Variants in LRRC4C observed in about 807,000 individuals in gnomAD.
LRRC4C encodes the protein leucine rich repeat containing 4C.
Under a neutral mutation model 33.6 loss-of-function variants are expected in LRRC4C, and 5 were observed. The ratio of observed to expected loss-of-function variants is 0.15; its 90% confidence interval spans 0.08 to 0.31. LRRC4C has a LOEUF of 0.31. Ranked by LOEUF, LRRC4C falls within the 10% of genes least tolerant of loss-of-function variation. LRRC4C has a pLI of 1.00. For synonymous variants in LRRC4C, 329 were observed against 302.0 expected (o/e 1.09, Z -0.93); for missense variants, 560 against 796.7 (o/e 0.70, Z 3.58).
Position 40,371,916 on chromosome 11 carries a change from G to A in LRRC4C, c.-269-52195C>T, listed in dbSNP as rs186124781. On this transcript the variant is annotated intron_variant, in intron 3 of 6. Coordinates refer to ENST00000528697, the MANE Select transcript of LRRC4C (RefSeq NM_001258419.2). Reference sequence around the variant, plus strand: ...AATTAAACAATTAGGTATGTAGGTAGATAGGGCAGGAGCGGCTATGGGATG... The same window carrying A: ...AATTAAACAATTAGGTATGTAGGTAAATAGGGCAGGAGCGGCTATGGGATG... Among the ~76,000 whole-genome samples the A allele has an allele frequency of 3.9e-5, 6 of 152,314 alleles. No homozygotes were observed. In the South Asian group the frequency reaches 8.3e-4, roughly 21 times the overall value.
chr11:40,337,118 C>T (rs548053043), intron 3 of LRRC4C, among the ~76,000 whole-genome samples: 2 of 151,234 alleles, frequency 1.3e-5, no homozygotes, highest in South Asian at 2.1e-4. Flanking sequence ...TGTACAGCTA[C>T]TGAAAAAGCA....
chr11:40,504,431 C>T (rs543973938), intron 3 of LRRC4C, among the ~76,000 whole-genome samples: 1 of 151,104 alleles, frequency 6.6e-6, no homozygotes, highest in Non-Finnish European at 1.5e-5. Flanking sequence ...CAGAAAAAGA[C>T]TCAGATGAAC....
chr11:41,019,053 C>T (rs1047252793), intron 1 of LRRC4C, among the ~76,000 whole-genome samples: 4 of 151,986 alleles, frequency 2.6e-5, no homozygotes, highest in African/African-American at 9.7e-5. Flanking sequence ...TTTTTATTTC[C>T]TTATGTCTTC....
At chr11:41,451,892 G>C (rs1159432259) in intron 1 of LRRC4C, among the ~76,000 whole-genome samples, 1 of 151,936 alleles carries the variant, frequency 6.6e-6, no homozygotes, top group Non-Finnish European at 1.5e-5. Flanking sequence ...TTTTTTCCTT[G>C]TATGTATCTG....
chr11:40,230,663 A>C (rs1457992548), intron 5 of LRRC4C, among the ~76,000 whole-genome samples: 2 of 152,210 alleles, frequency 1.3e-5, no homozygotes, highest in African/African-American at 2.4e-5. Flanking sequence ...CTACCTACAG[A>C]TTGCCAAAAA....
intron 3 of LRRC4C, among the ~76,000 whole-genome samples, chr11:40,456,537 T>C (rs950416375): frequency 1.3e-5 from 2 of 151,568 alleles, no homozygotes; most frequent in African/African-American, 4.8e-5. Flanking sequence ...GAAGAATAGA[T>C]TGAGAAGCTT....
At chr11:41,441,804 T>G (rs1048017206) in intron 1 of LRRC4C, among the ~76,000 whole-genome samples, 1 of 152,156 alleles carries the variant, frequency 6.6e-6, no homozygotes, top group Non-Finnish European at 1.5e-5. Flanking sequence ...CTGGACTTAC[T>G]GTTAAATGAG....
intron 1 of LRRC4C, among the ~76,000 whole-genome samples, chr11:41,417,721 C>G (rs1954735495): frequency 6.6e-6 from 1 of 151,892 alleles, no homozygotes; most frequent in Non-Finnish European, 1.5e-5. Context: ...AATTATCTAG[C>G]TCTTCTATCA....
In LRRC4C at chr11:40,556,366, C is replaced by T. The variant is rs192156252; in HGVS notation, c.-270+91776G>A. 3.7e-4 allele frequency among the ~76,000 whole-genome samples: 56 copies of T among 152,244 alleles called. 1 individual carries two copies. Among genetic ancestry groups the T allele is most frequent in the Admixed American group, 7.2e-4 (11 of 15,280 alleles). ...GCCAGAGATATTTCAATCAGCAAGG[C>T]TGAAAAACTAGAGACAGAATGTAGA... On this transcript the variant is annotated intron_variant, in intron 3 of 6. Coordinates refer to ENST00000528697, the MANE Select transcript of LRRC4C (RefSeq NM_001258419.2).
intron 2 of LRRC4C, among the ~76,000 whole-genome samples, chr11:40,929,537 T>C (rs1490393189): frequency 1.3e-5 from 2 of 152,240 alleles, no homozygotes; most frequent in African/African-American, 4.8e-5. Flanking sequence ...ACTTCAGTGC[T>C]ATCCGTCCAT....
intron 3 of LRRC4C, among the ~76,000 whole-genome samples, chr11:40,451,047 A>C (rs4581430): frequency 0.31 from 46,630 of 151,262 alleles, 8,258 homozygotes; most frequent in South Asian, 0.45. Context: ...AACTCTCTCT[A>C]TATATATGCA....
chr11:40,884,550 C>T (rs1272227033), intron 2 of LRRC4C, among the ~76,000 whole-genome samples: 3 of 151,902 alleles, frequency 2.0e-5, no homozygotes, highest in Non-Finnish European at 4.4e-5. Flanking sequence ...AGCATTGATG[C>T]AGAGAAATAA....
In LRRC4C at chr11:40,973,258, G is replaced by T. The variant is rs74626913; in HGVS notation, c.-495-39535C>A. ...CTAGTTATGTCTCCACTGAAGATTT[G>T]TGGTTGTCTACTAGATAGAAGAAAG... On this transcript the variant is annotated intron_variant, in intron 1 of 6. Coordinates refer to ENST00000528697, the MANE Select transcript of LRRC4C (RefSeq NM_001258419.2). Among the ~76,000 whole-genome samples, 1,224 of 152,068 alleles carry T rather than the reference G, an allele frequency of 8.0e-3. 9 individuals are homozygous for T. Among genetic ancestry groups the T allele is most frequent in the Middle Eastern group, 0.02 (6 of 294 alleles).
intron 3 of LRRC4C, among the ~76,000 whole-genome samples, chr11:40,462,785 C>T (rs899115371): frequency 6.6e-6 from 1 of 152,158 alleles, no homozygotes; most frequent in East Asian, 1.9e-4. Context: ...AGCATCAATT[C>T]AATGGAACCA....
chr11:41,370,477 C>T (rs1047069255), intron 1 of LRRC4C, among the ~76,000 whole-genome samples: 23 of 152,110 alleles, frequency 1.5e-4, no homozygotes, highest in African/African-American at 4.1e-4. Context: ...ATACTGCTCT[C>T]GTGGTAGTGA....
intron 5 of LRRC4C, among the ~76,000 whole-genome samples, chr11:40,148,855 G>T (rs562348841): frequency 6.6e-6 from 1 of 152,226 alleles, no homozygotes; most frequent in African/African-American, 2.4e-5. Context: ...GTTAATTTTT[G>T]TATATGGTGT....
chr11:40,227,047 A>G (rs1193245638), intron 5 of LRRC4C, among the ~76,000 whole-genome samples: 1 of 152,164 alleles, frequency 6.6e-6, no homozygotes, highest in Non-Finnish European at 1.5e-5. Context: ...ATATGGTGCC[A>G]GAATATGATA....
chr11:40,877,832 A>G (rs1201805475), intron 2 of LRRC4C, among the ~76,000 whole-genome samples: 1 of 152,204 alleles, frequency 6.6e-6, no homozygotes, highest in Non-Finnish European at 1.5e-5. Flanking sequence ...TCCATGTGGC[A>G]AAGCAGTTTT....
chr11:41,279,428 A>ACACACCCCCCC (rs58139193), intron 1 of LRRC4C, among the ~76,000 whole-genome samples: 9 of 140,888 alleles, frequency 6.4e-5, no homozygotes, highest in Admixed American at 2.2e-4. Context: ...ACACACACAC[A>ACACACCCCCCC]CCGTGGCAAT....
Sources: allele counts gnomAD v4.1 joint callset (sites outside exome capture counted in the v4.1 genomes callset), GRCh38; gene constraint gnomAD v4.1.1; transcripts MANE v1.5; gene names NCBI Gene and HGNC (gene_info 2026-07-23, HGNC 2026-07-21).